MSI2: variants seen among roughly 807,000 people sequenced by gnomAD.
MSI2 encodes the protein musashi RNA binding protein 2, also known as RNA-binding protein Musashi homolog 2.
Under a neutral mutation model 45.6 loss-of-function variants are expected in MSI2, and 17 were observed. The ratio of observed to expected loss-of-function variants is 0.37; its 90% CI spans 0.26 to 0.56. MSI2 has a LOEUF of 0.56. Ranked by LOEUF, MSI2 falls within the 20% of genes least tolerant of loss-of-function variation. MSI2 has a pLI of 0.77. For missense variants in MSI2, 293 were observed against 444.2 expected (o/e 0.66, Z 3.06); for synonymous variants, 156 against 158.2 (o/e 0.99, Z 0.11).
At chr17:57,293,112 TAAA>T (rs377673393) in intron 5 of MSI2, among the ~76,000 whole-genome samples, 1 of 144,324 alleles carries the variant, frequency 6.9e-6, no homozygotes, top group African/African-American at 2.5e-5. Context: ...TCATTAAGGT[TAAA>T]AAAAAAAAAA....
chr17:57,612,392 G>T lies in MSI2; in HGVS notation c.538-3578G>T, dbSNP rs1893827084. ...GTGGCTGAGTCTCGGGGGTGGAGGG[G>T]ACTGGACAGGCTTCCTGGTCCTGAG... On this transcript the variant is annotated intron_variant, in intron 8 of 13. Transcript: ENST00000284073. Among the ~76,000 whole-genome samples, 2 of 94,654 alleles carry T rather than the reference G, an allele frequency of 2.1e-5. 1 individual carries two copies. Among genetic ancestry groups the T allele is most frequent in the South Asian group, 8.1e-4 (2 of 2,454 alleles). 62.1% of individuals were successfully genotyped at this position (94,654 alleles called of 152,430 possible).
intron 4 of MSI2, among the ~76,000 whole-genome samples, chr17:57,259,800 C>A (rs932816802): frequency 6.6e-6 from 1 of 152,134 alleles, no homozygotes; most frequent in Non-Finnish European, 1.5e-5. Context: ...ATTTATCATC[C>A]ACCCCCTCTT....
chr17:57,304,925 G>A (rs1911754504), intron 5 of MSI2, among the ~76,000 whole-genome samples: 2 of 152,148 alleles, frequency 1.3e-5, no homozygotes, highest in Non-Finnish European at 2.9e-5. Flanking sequence ...CCCATCCTTG[G>A]CAGTGTAGCA....
intron 5 of MSI2, among the ~76,000 whole-genome samples, chr17:57,375,380 A>G (rs2083479369): frequency 6.6e-6 from 1 of 152,172 alleles, no homozygotes; most frequent in South Asian, 2.1e-4. Flanking sequence ...GAGGAGAGGA[A>G]ACTCAAGAGG....
chr17:57,453,405 G>T (rs1191455042), intron 6 of MSI2, among the ~76,000 whole-genome samples: 2 of 152,144 alleles, frequency 1.3e-5, no homozygotes. Flanking sequence ...CCCTTCTCTT[G>T]CTGCCCAGGT....
chr17:57,691,739 G>C, the MSI2 span, among the ~76,000 whole-genome samples: 176 of 152,262 alleles, frequency 1.2e-3, no homozygotes, highest in African/African-American at 4.0e-3. Context: ...CTTTTTTATA[G>C]ATTCATTGGG....
chr17:57,415,055 G>A (rs559177812), intron 6 of MSI2, among the ~76,000 whole-genome samples: 2 of 152,266 alleles, frequency 1.3e-5, no homozygotes, highest in East Asian at 1.9e-4. Flanking sequence ...GAGGTACCAG[G>A]GTAGGTCAGT....
intron 5 of MSI2, among the ~76,000 whole-genome samples, chr17:57,270,939 G>A (rs777578673): frequency 5.3e-5 from 8 of 152,172 alleles, no homozygotes; most frequent in Non-Finnish European, 8.8e-5. Flanking sequence ...CTCTCGAGGC[G>A]AGATAGCATG....
At chr17:57,589,217 A>G (rs970051832) in intron 7 of MSI2, among the ~76,000 whole-genome samples, 7 of 151,994 alleles carry the variant, frequency 4.6e-5, no homozygotes, top group African/African-American at 1.7e-4. Flanking sequence ...TCTAATGGCG[A>G]CTCCAATTGG....
intron 7 of MSI2, among the ~76,000 whole-genome samples, chr17:57,533,684 G>T (rs2086866967): frequency 6.6e-6 from 1 of 152,208 alleles, no homozygotes; most frequent in African/African-American, 2.4e-5. Context: ...AAGTGCTCTT[G>T]ATCAGGAGAG....
At chr17:57,428,881 T>C (rs1015252473) in intron 6 of MSI2, among the ~76,000 whole-genome samples, 2 of 152,156 alleles carry the variant, frequency 1.3e-5, no homozygotes, top group Admixed American at 6.5e-5. Context: ...TGCCTTCTGC[T>C]CTCCTAGTAA....
chr17:57,455,193 C>T (rs576107635), intron 6 of MSI2, among the ~76,000 whole-genome samples: 1 of 152,138 alleles, frequency 6.6e-6, no homozygotes, highest in South Asian at 2.1e-4. Flanking sequence ...AGCCAGCTGT[C>T]TATTGCAGCT....
At chr17:57,696,037 A>T in the MSI2 span, among the ~76,000 whole-genome samples, 1 of 152,204 alleles carries the variant, frequency 6.6e-6, no homozygotes, top group Non-Finnish European at 1.5e-5. Context: ...TCACCTCCAG[A>T]TACAGCCACA....
chr17:57,481,561 T>A (rs942847030), intron 6 of MSI2, among the ~76,000 whole-genome samples: 1 of 152,240 alleles, frequency 6.6e-6, no homozygotes, highest in Non-Finnish European at 1.5e-5. Context: ...AATTGGTAGA[T>A]TGTAGTCGAT....
chr17:57,631,564 G>T, intron 10 of MSI2: 1 of 532,942 alleles, frequency 1.9e-6, no homozygotes, highest in Non-Finnish European at 3.3e-6. Flanking sequence ...TTTTTAGAGT[G>T]GGGAGTAGTT....
intron 5 of MSI2, among the ~76,000 whole-genome samples, chr17:57,319,101 G>A (rs879632071): frequency 3.9e-5 from 6 of 152,216 alleles, no homozygotes; most frequent in Admixed American, 6.5e-5. Context: ...GGGAGCAGCC[G>A]GTGATTATGC....
At chr17:57,509,701 G>A (rs948590755) in intron 6 of MSI2, among the ~76,000 whole-genome samples, 16 of 152,202 alleles carry the variant, frequency 1.1e-4, no homozygotes, top group African/African-American at 2.9e-4. Context: ...GATTACAGGC[G>A]TGAGCCACCA....
At chr17:57,493,050 A>C (rs1427983052) in intron 6 of MSI2, among the ~76,000 whole-genome samples, 1 of 152,142 alleles carries the variant, frequency 6.6e-6, no homozygotes. Context: ...GGTGCTGAGA[A>C]ACCTCAGGCT....
Position 57,256,639 on chromosome 17 carries a change from G to A in MSI2, c.-104G>A, listed in dbSNP as rs933088941. 1.0e-5 allele frequency: 5 copies of A among 491,164 alleles called. No individual in the cohort carries two copies. Among genetic ancestry groups the A allele is most frequent in the African/African-American group, 8.4e-5 (4 of 47,872 alleles). 30.4% of individuals were successfully genotyped at this position (491,164 alleles called of 1,614,324 possible). On this transcript the variant is annotated 5_prime_UTR_variant, in exon 1 of 14. Coordinates refer to ENST00000284073, the MANE Select transcript of MSI2 (RefSeq NM_138962.4). ...AGCCCGGGCGGGGGGGAGGAGGAGG[G>A]GGAGGAGGGAGCGGAGATCTCGGGG... is the stretch of plus-strand genomic sequence containing the variant.
Sources: allele counts gnomAD v4.1 joint callset (sites outside exome capture counted in the v4.1 genomes callset), GRCh38; gene constraint gnomAD v4.1.1; transcripts MANE v1.5; gene names NCBI Gene and HGNC (gene_info 2026-07-23, HGNC 2026-07-21).